The following MYO9A variants were observed in gnomAD, a reference collection of about 807,000 sequenced individuals.
MYO9A encodes the protein unconventional myosin-IXa.
Under a neutral mutation model 293.3 loss-of-function variants are expected in MYO9A, and 103 were observed. The observed-to-expected ratio is 0.35, with a 90% confidence interval of 0.30 to 0.41. The LOEUF (loss-of-function observed/expected upper bound fraction) is 0.41, where lower values mean the gene tolerates loss of function less well. Ranked by LOEUF, MYO9A falls within the 10% of genes least tolerant of loss-of-function variation. MYO9A has a pLI of 1.00. For missense variants in MYO9A, 2,685 were observed against 3,033.0 expected, an observed-to-expected ratio of 0.89 and a Z score of 2.69; for synonymous variants, 1,001 against 1,035.7, an observed-to-expected ratio of 0.97 and a Z score of 0.64.
At chr15:72,063,357 T>C (rs2078928552) in intron 1 of MYO9A, among the ~76,000 whole-genome samples, 2 of 152,132 alleles carry the variant, frequency 1.3e-5, no homozygotes, top group African/African-American at 4.8e-5. Context: ...TGTTGAGTAA[T>C]ACCCCAAAAG....
In MYO9A at chr15:71,880,317, G is replaced by A. The variant is rs372624648; in HGVS notation, c.5622+18C>T. On this transcript the variant is annotated intron_variant, in intron 29 of 41. Coordinates refer to ENST00000356056, the MANE Select transcript of MYO9A (RefSeq NM_006901.4). ...ACACAGAGCTGCTCCAGGGCCTGAC[G>A]TGGCAAATAAAGTGTACCTTTTTCA... 7.7e-5 allele frequency: 124 copies of A among 1,608,708 alleles called. No individual in the cohort carries two copies. The highest frequency in any genetic ancestry group is 2.2e-4 in the Admixed American group (13 of 59,986).
At chr15:71,901,421 A>C (rs948691061) in intron 22 of MYO9A, 81 bp from the exon 23 acceptor site, 1 of 1,403,216 alleles carries the variant, frequency 7.1e-7, no homozygotes, top group Non-Finnish European at 9.6e-7. Flanking sequence ...TTCTGTGATA[A>C]GCTTTTAGAG....
Position 71,826,134 on chromosome 15 carries a change from T to C in MYO9A, c.*446A>G, listed in dbSNP as rs1296353415. 6.5e-6 allele frequency: 1 copy of C among 153,782 alleles called. No individual in the cohort carries two copies. The highest frequency in any genetic ancestry group is 6.5e-5 in the Admixed American group (1 of 15,386). The allele number at this position is 153,782 out of a possible 1,614,324, so 9.5% of individuals were successfully genotyped here. A position where few individuals can be genotyped will look rare whatever the true frequency, so the allele number is the denominator to read the frequency against. On this transcript the variant is annotated 3_prime_UTR_variant, in exon 42 of 42. Transcript: ENST00000356056. The stretch of plus-strand genomic sequence containing the variant: ...TTTGGAAAAAAATTATATTCTACCC[T>C]AGCTCCTAACTATCCCAAAATAAAC...
At chr15:71,858,981 A>G (rs1012553304) in intron 34 of MYO9A, among the ~76,000 whole-genome samples, 18 of 152,276 alleles carry the variant, frequency 1.2e-4, no homozygotes, top group African/African-American at 4.3e-4. Context: ...CAGCTCCCTG[A>G]TGCTTGCCAA....
intron 6 of MYO9A, among the ~76,000 whole-genome samples, chr15:72,016,766 T>C (rs1411248248): frequency 6.6e-6 from 1 of 152,142 alleles, no homozygotes; most frequent in African/African-American, 2.4e-5. Flanking sequence ...AAAGTATGAT[T>C]AAGGGAAGAG....
At chr15:71,888,761 A>C (rs1300764382) in intron 26 of MYO9A, among the ~76,000 whole-genome samples, 1 of 152,198 alleles carries the variant, frequency 6.6e-6, no homozygotes, top group Non-Finnish European at 1.5e-5. Context: ...TATCTATTCA[A>C]GTCATTTCCT....
intron 19 of MYO9A, among the ~76,000 whole-genome samples, chr15:71,913,283 T>C (rs1396165669): frequency 6.6e-6 from 1 of 152,162 alleles, no homozygotes; most frequent in Non-Finnish European, 1.5e-5. Flanking sequence ...AAATATTACA[T>C]ATTTAATCTC....
Position 71,852,652 on chromosome 15 carries a change from C to A in MYO9A, c.6347-392G>T, listed in dbSNP as rs142803272. ...TGGAGGGATTACAGGCGTGAGCCAC[C>A]ATGCCCGGCCGGCTTCATGTTTCTT... On this transcript the variant is annotated intron_variant, in intron 35 of 41. Coordinates refer to ENST00000356056, the MANE Select transcript of MYO9A (RefSeq NM_006901.4). Among the ~76,000 whole-genome samples, 808 of 152,292 alleles carry A rather than the reference C, an allele frequency of 5.3e-3. 9 individuals carry two copies. The highest frequency in any genetic ancestry group is 0.019 in the African/African-American group (770 of 41,574).
chr15:72,064,839 C>A (rs1286633883), intron 1 of MYO9A, among the ~76,000 whole-genome samples: 1 of 152,142 alleles, frequency 6.6e-6, no homozygotes, highest in Non-Finnish European at 1.5e-5. Context: ...CTAGTAGGTT[C>A]TGAACAAATT....
chr15:71,997,508 G>C (rs1011801228), intron 9 of MYO9A, among the ~76,000 whole-genome samples: 6 of 151,994 alleles, frequency 3.9e-5, no homozygotes, highest in African/African-American at 1.2e-4. Context: ...GCTGAAGCAG[G>C]AGAATCACTT....
upstream of MYO9A, chr15:72,118,196 C>T (rs2081078550): frequency 5.5e-6 from 2 of 360,472 alleles, no homozygotes; most frequent in Non-Finnish European, 5.0e-6. Context: ...CGGCCCCGCC[C>T]TGTCCCGCCC....
rs1388577781 is a variant in MYO9A at position 71,968,001 on chromosome 15, C to G, written c.1969G>C (p.Val657Leu). Residue 657 changes from valine (V) to leucine (L), a missense_variant, in exon 13 of 42, where the codon GTA becomes CTA. This residue lies in a region of MYO9A where 201 missense variants were observed against 245.2 expected (regional missense o/e 0.82). Coordinates refer to ENST00000356056, the MANE Select transcript of MYO9A (RefSeq NM_006901.4). ...AFIIKHYAGK[V>L]KYGVKDFREK... is the part of the protein sequence containing the mutation. ...TTACTGACCTTTACCCCATATTTTACTTTTCCAGCATAATGTTTTATAATG... is the reference window on the plus strand; with the variant it reads ...TTACTGACCTTTACCCCATATTTTAGTTTTCCAGCATAATGTTTTATAATG... 6.2e-7 allele frequency: 1 copy of G among 1,609,682 alleles called. No individual in the cohort carries two copies. The highest frequency in any genetic ancestry group is 8.5e-7 in the Non-Finnish European group (1 of 1,178,524).
At position 72,027,813 on chromosome 15, in the gene MYO9A, G is replaced by C. The variant is rs375380560; in HGVS notation, c.936-20C>G. 1 of 1,551,208 alleles carries C rather than the reference G, an allele frequency of 6.4e-7. No homozygotes were observed. The highest frequency in any genetic ancestry group is 1.4e-5 in the African/African-American group (1 of 72,544). Reference sequence around the variant, plus strand: ...TAGGCACTACAAGAAAAATTAAATTGGTTGATATAAATAATAAAGTTTAAT... The same window carrying C: ...TAGGCACTACAAGAAAAATTAAATTCGTTGATATAAATAATAAAGTTTAAT... On this transcript the variant is annotated intron_variant, in intron 3 of 41. Coordinates refer to ENST00000356056, the MANE Select transcript of MYO9A (RefSeq NM_006901.4).
intron 39 of MYO9A, among the ~76,000 whole-genome samples, chr15:71,833,179 G>A (rs1350295315): frequency 6.6e-6 from 1 of 151,520 alleles, no homozygotes; most frequent in East Asian, 1.9e-4. Flanking sequence ...TAGATGAAAT[G>A]CTCCTATTAA....
intron 7 of MYO9A, among the ~76,000 whole-genome samples, chr15:72,009,558 T>A (rs1170642943): frequency 2.0e-5 from 3 of 147,830 alleles, no homozygotes; most frequent in Non-Finnish European, 4.5e-5. Context: ...AAAAAAAAAA[T>A]ACAAAATTAG....
intron 2 of MYO9A, among the ~76,000 whole-genome samples, chr15:72,043,983 G>T (rs570553548): frequency 1.9e-4 from 28 of 146,976 alleles, no homozygotes; most frequent in African/African-American, 6.5e-4. Context: ...ATATATTTAT[G>T]GTGTATAACA....
chr15:71,828,647 C>T (rs1354812782), intron 40 of MYO9A, among the ~76,000 whole-genome samples: 1 of 152,208 alleles, frequency 6.6e-6, no homozygotes, highest in African/African-American at 2.4e-5. Flanking sequence ...AGTAATGCCC[C>T]ACATTCTGTG....
At chr15:71,855,694 TTTCTG>T (rs2055837504) in intron 34 of MYO9A, among the ~76,000 whole-genome samples, 1 of 152,200 alleles carries the variant, frequency 6.6e-6, no homozygotes, top group Non-Finnish European at 1.5e-5. Context: ...TATTGTTTCT[TTTCTG>T]TTCTAAGTGT....
At chr15:72,022,719 TG>T (rs898399305) in intron 4 of MYO9A, among the ~76,000 whole-genome samples, 1 of 152,010 alleles carries the variant, frequency 6.6e-6, no homozygotes, top group African/African-American at 2.4e-5. Flanking sequence ...GGCTAATTTT[TG>T]TATTTTTTGT....
Sources: gnomAD v4.1 joint callset for allele counts (sites outside exome capture counted in the v4.1 genomes callset) on GRCh38, gnomAD v4.1.1 for gene constraint, gnomAD v4.1.1 regional missense constraint, MANE v1.5 for transcripts, NCBI Gene and HGNC (gene_info 2026-07-23, HGNC 2026-07-21) for gene names.